Variants in STX17 observed in about 807,000 individuals in gnomAD.
STX17 encodes the protein syntaxin 17, also known as syntaxin-17.
A neutral mutation model predicts 35.9 loss-of-function variants in STX17; 29 were observed. The observed-to-expected ratio is 0.81, with a 90% CI of 0.60 to 1.10. The LOEUF is 1.10. Among genes scored for constraint, STX17 ranks in the 50% least tolerant of loss-of-function variants. STX17 has a pLI of 0.00. For missense variants in STX17, 312 were observed against 352.3 expected (o/e 0.89, Z 0.92); for synonymous variants, 92 against 118.3 (o/e 0.78, Z 1.44).
chr9:99,909,744 A>G (rs1828622454), intron 1 of STX17, among the ~76,000 whole-genome samples: 1 of 152,198 alleles, frequency 6.6e-6, no homozygotes, highest in East Asian at 1.9e-4. Context: ...TAATAATTCA[A>G]TTGTATATTT....
intron 6 of STX17, among the ~76,000 whole-genome samples, chr9:99,961,286 A>G (rs890271436): frequency 1.3e-5 from 2 of 152,184 alleles, no homozygotes; most frequent in African/African-American, 4.8e-5. Flanking sequence ...AGGTCATGGA[A>G]AGGAAGACTG....
chr9:99,909,190 C>G (rs1017684674), intron 1 of STX17, among the ~76,000 whole-genome samples: 1 of 152,168 alleles, frequency 6.6e-6, no homozygotes, highest in Non-Finnish European at 1.5e-5. Flanking sequence ...TCTAAAGTGG[C>G]TTAGATAATT....
intron 4 of STX17, among the ~76,000 whole-genome samples, chr9:99,959,647 G>C (rs1170024641): frequency 6.6e-6 from 1 of 151,842 alleles, no homozygotes; most frequent in Non-Finnish European, 1.5e-5. Flanking sequence ...TCTTTGTAGA[G>C]ACGAGGTCTC....
At chr9:99,936,823 GA>G (rs1188110716) in intron 3 of STX17, among the ~76,000 whole-genome samples, 3 of 151,824 alleles carry the variant, frequency 2.0e-5, no homozygotes, top group Non-Finnish European at 2.9e-5. Context: ...AGATATTAAA[GA>G]AAAAAATCTT....
chr9:99,916,390 CATTT>C (rs146484577), intron 2 of STX17, among the ~76,000 whole-genome samples: 31,973 of 140,950 alleles, frequency 0.23, 4,074 homozygotes, highest in Middle Eastern at 0.33. Flanking sequence ...GCAGAACCTC[CATTT>C]ATTTATTTAT....
intron 1 of STX17, among the ~76,000 whole-genome samples, chr9:99,913,807 C>T (rs1274935441): frequency 2.0e-5 from 3 of 151,990 alleles, no homozygotes; most frequent in Non-Finnish European, 4.4e-5. Context: ...AACCAAGTTA[C>T]TAATGGGTAG....
intron 3 of STX17, among the ~76,000 whole-genome samples, chr9:99,941,966 T>C (rs2118435519): frequency 6.6e-6 from 1 of 152,330 alleles, no homozygotes; most frequent in South Asian, 2.1e-4. Context: ...TGTGCACATA[T>C]TTCTGTTGAG....
chr9:99,919,928 A>G (rs1013136458), intron 2 of STX17, among the ~76,000 whole-genome samples: 12 of 152,242 alleles, frequency 7.9e-5, no homozygotes, highest in South Asian at 4.1e-4. Flanking sequence ...ACTATATAGT[A>G]TAAAATCAGA....
intron 4 of STX17, among the ~76,000 whole-genome samples, chr9:99,958,860 A>T (rs955711628): frequency 6.6e-6 from 1 of 152,222 alleles, no homozygotes; most frequent in African/African-American, 2.4e-5. Context: ...GGAAAGTCCT[A>T]CTGGGTTGAC....
Position 99,970,741 on chromosome 9 carries a change from C to G in STX17, c.*2068C>G, listed in dbSNP as rs1830003241. 6.6e-6 allele frequency among the ~76,000 whole-genome samples: 1 copy of G among 152,178 alleles called. No homozygotes were observed. The highest frequency in any genetic ancestry group is 1.5e-5 in the Non-Finnish European group (1 of 68,034). ...ACCCTTCTTCATCACTGCATATTACCCCACTCTTCCATCCCAAATTGGCTA... is the reference window on the plus strand; with the variant it reads ...ACCCTTCTTCATCACTGCATATTACGCCACTCTTCCATCCCAAATTGGCTA... On this transcript the variant is annotated 3_prime_UTR_variant, in exon 8 of 8. Transcript: ENST00000259400.
intron 1 of STX17, among the ~76,000 whole-genome samples, chr9:99,911,606 C>T (rs2118290963): frequency 6.6e-6 from 1 of 151,992 alleles, no homozygotes; most frequent in Admixed American, 6.5e-5. Context: ...TTTTTTGAGA[C>T]AGGATCTCAC....
rs377039228 is a variant in STX17, at chr9:99,959,938, C to T, written c.437C>T (p.Ala146Val). 3.1e-6 allele frequency: 5 copies of T among 1,613,100 alleles called. No homozygotes were observed. Among genetic ancestry groups the T allele is most frequent in the African/African-American group, 2.7e-5 (2 of 74,834 alleles). Residue 146 changes from alanine to valine, a missense_variant, in exon 5 of 8, where the codon GCT becomes GTT. By Grantham distance (64) the Ala-to-Val change is moderately conservative. Transcript: ENST00000259400. ...CCAGGAGCATTTCATACTACTGAAGCTGAAGCTAGTTCTCAGAGTTTGACT... is the reference window on the plus strand; with the variant it reads ...CCAGGAGCATTTCATACTACTGAAGTTGAAGCTAGTTCTCAGAGTTTGACT... ...TVGGAFHTTE[A>V]EASSQSLTQI...
At chr9:99,944,846 G>A (rs992648626) in intron 3 of STX17, among the ~76,000 whole-genome samples, 1 of 151,938 alleles carries the variant, frequency 6.6e-6, no homozygotes, top group African/African-American at 2.4e-5. Flanking sequence ...TGATTTCTTT[G>A]ACTTGTGGGT....
chr9:99,915,738 T>C (rs974651109), intron 2 of STX17, among the ~76,000 whole-genome samples: 1 of 152,162 alleles, frequency 6.6e-6, no homozygotes, highest in African/African-American at 2.4e-5. Flanking sequence ...TTTTATTTTT[T>C]TGGAGAAACA....
chr9:99,952,756 C>T (rs957853674), intron 4 of STX17, among the ~76,000 whole-genome samples: 2 of 151,898 alleles, frequency 1.3e-5, no homozygotes, highest in Non-Finnish European at 2.9e-5. Context: ...TGGAAATCAT[C>T]ATTCTCAGTA....
Position 99,922,719 on chromosome 9 carries a change from C to T in STX17, c.124-6059C>T, listed in dbSNP as rs578187924. Among the ~76,000 whole-genome samples, 6 of 152,304 alleles carry T rather than the reference C, an allele frequency of 3.9e-5. No individual in the cohort carries two copies. In the South Asian group the frequency reaches 1.2e-3, roughly 32 times the overall value. Reference sequence around the variant, plus strand: ...AAGGGGTGGGCAAGATGGAATCACTCAGCTTAAGGAAGGTCTTCCCCATCT... The same window carrying T: ...AAGGGGTGGGCAAGATGGAATCACTTAGCTTAAGGAAGGTCTTCCCCATCT... On this transcript the variant is annotated intron_variant, in intron 2 of 7. Coordinates refer to ENST00000259400, the MANE Select transcript of STX17 (RefSeq NM_017919.3).
At chr9:99,958,341 G>A (rs946188029) in intron 4 of STX17, among the ~76,000 whole-genome samples, 2 of 152,070 alleles carry the variant, frequency 1.3e-5, no homozygotes, top group African/African-American at 4.8e-5. Context: ...ATCTGTGCCC[G>A]TGTAGCACTC....
intron 6 of STX17, among the ~76,000 whole-genome samples, chr9:99,965,020 C>G (rs1163047275): frequency 6.6e-6 from 1 of 152,112 alleles, no homozygotes. Context: ...GCTGTCTGCC[C>G]TCTGCCTTAT....
At chr9:99,937,751 T>C (rs1388620376) in intron 3 of STX17, among the ~76,000 whole-genome samples, 1 of 152,160 alleles carries the variant, frequency 6.6e-6, no homozygotes, top group African/African-American at 2.4e-5. Context: ...TCATTATGGG[T>C]GATGTTTTCT....
Sources: gnomAD v4.1 joint callset for allele counts (sites outside exome capture counted in the v4.1 genomes callset) on GRCh38, gnomAD v4.1.1 for gene constraint, MANE v1.5 for transcripts, NCBI Gene and HGNC (gene_info 2026-07-23, HGNC 2026-07-21) for gene names.